The following BNC2 variants were observed in gnomAD, a reference collection of about 807,000 sequenced individuals.
BNC2 encodes the protein zinc finger protein basonuclin-2.
In BNC2, 20 loss-of-function variants were observed where a neutral mutation model predicts 76.3. The ratio of observed to expected loss-of-function variants is 0.26; its 90% CI spans 0.18 to 0.38. The LOEUF (loss-of-function observed/expected upper bound fraction) is 0.38. BNC2 is among the 10% of genes least tolerant of loss of function. The pLI is 1.00. For synonymous variants in BNC2, 582 were observed against 514.8 expected (o/e 1.13, Z -1.77); for missense variants, 1,382 against 1,399.8 (o/e 0.99, Z 0.20).
At chr9:16,720,876 A>G (rs1482865793) in intron 3 of BNC2, among the ~76,000 whole-genome samples, 1 of 152,192 alleles carries the variant, frequency 6.6e-6, no homozygotes, top group Non-Finnish European at 1.5e-5. Context: ...TGCTACATAC[A>G]GCATTTGAAC....
At chr9:16,855,900 T>C (rs574766613) in intron 1 of BNC2, among the ~76,000 whole-genome samples, 5 of 152,238 alleles carry the variant, frequency 3.3e-5, no homozygotes, top group African/African-American at 1.2e-4. Context: ...TGTTGTTTCA[T>C]GGAAATCTGC....
chr9:16,574,660 A>C (rs892637817), intron 4 of BNC2, among the ~76,000 whole-genome samples: 5 of 152,168 alleles, frequency 3.3e-5, no homozygotes, highest in Non-Finnish European at 7.3e-5. Flanking sequence ...ATCCCAACAC[A>C]TTCCACATTC....
intron 1 of BNC2, among the ~76,000 whole-genome samples, chr9:16,817,677 T>C (rs1818218001): frequency 6.6e-6 from 1 of 152,172 alleles, no homozygotes; most frequent in African/African-American, 2.4e-5. Flanking sequence ...TAACGTGCCT[T>C]AAACAAATCA....
At chr9:16,716,743 A>G (rs1422284335) in intron 3 of BNC2, among the ~76,000 whole-genome samples, 1 of 152,202 alleles carries the variant, frequency 6.6e-6, no homozygotes, top group Non-Finnish European at 1.5e-5. Context: ...ACTATACTAT[A>G]GTGTTTTTAC....
Position 16,772,060 on chromosome 9 carries a change from T to A in BNC2, c.4-33575A>T, listed in dbSNP as rs563709413. 9.8e-5 allele frequency among the ~76,000 whole-genome samples: 15 copies of A among 152,346 alleles called. No homozygotes were observed. In the South Asian group the frequency reaches 3.1e-3, roughly 32 times the overall value. On this transcript the variant is annotated intron_variant, in intron 1 of 6. Transcript: ENST00000380672. ...GCCTTAATCTTAAAACAAATGATAG[T>A]ATTCAAATACAATATTTTACACATG... is the stretch of plus-strand genomic sequence containing the variant.
chr9:16,538,965 G>A (rs1285149716), intron 5 of BNC2, among the ~76,000 whole-genome samples: 2 of 152,096 alleles, frequency 1.3e-5, no homozygotes, highest in Non-Finnish European at 2.9e-5. Context: ...AATTTAGCCT[G>A]AGTCACCAAC....
At chr9:16,621,078 C>A (rs116749239) in intron 3 of BNC2, among the ~76,000 whole-genome samples, 1 of 152,152 alleles carries the variant, frequency 6.6e-6, no homozygotes, top group African/African-American at 2.4e-5. Context: ...ATGTCCAGGC[C>A]GTAAGTAATG....
At chr9:16,656,215 C>A (rs1821925056) in intron 3 of BNC2, among the ~76,000 whole-genome samples, 1 of 152,122 alleles carries the variant, frequency 6.6e-6, no homozygotes, top group South Asian at 2.1e-4. Context: ...TCAGGGAACA[C>A]AGAAGAGAAT....
intron 3 of BNC2, among the ~76,000 whole-genome samples, chr9:16,658,607 C>T (rs1329279401): frequency 1.3e-5 from 2 of 152,166 alleles, no homozygotes; most frequent in African/African-American, 4.8e-5. Context: ...CTTAACAATT[C>T]TCTTATCCTT....
chr9:16,537,708 G>C (rs2132312371), intron 5 of BNC2, among the ~76,000 whole-genome samples: 1 of 152,206 alleles, frequency 6.6e-6, no homozygotes, highest in Admixed American at 6.5e-5. Flanking sequence ...CTCATAGCAA[G>C]GCATATTTGA....
rs1294106808 is a variant in BNC2 at position 16,416,066 on chromosome 9, T to C, written c.*2923A>G. ...TTTGCAGCAAGTAACAAACATTTGT[T>C]CTAAGCCTGGTGCATTTGCTGATGT... On this transcript the variant is annotated 3_prime_UTR_variant, in exon 7 of 7. Coordinates refer to ENST00000380672, the MANE Select transcript of BNC2 (RefSeq NM_017637.6). 3 of 152,194 alleles carry C rather than the reference T, an allele frequency of 2.0e-5. No individual in the cohort carries two copies. Among genetic ancestry groups the C allele is most frequent in the Non-Finnish European group, 4.4e-5 (3 of 68,034 alleles). 9.4% of individuals were successfully genotyped at this position (152,194 alleles called of 1,614,324 possible). A position where few individuals can be genotyped will look rare whatever the true frequency, so the allele number is the denominator to read the frequency against.
intron 1 of BNC2, among the ~76,000 whole-genome samples, chr9:16,759,884 C>T (rs1005176483): frequency 6.6e-6 from 1 of 152,034 alleles, no homozygotes; most frequent in Non-Finnish European, 1.5e-5. Context: ...CCACCACGCC[C>T]GGCTAATTTT....
intron 5 of BNC2, among the ~76,000 whole-genome samples, chr9:16,445,012 A>T (rs1273721732): frequency 2.0e-5 from 3 of 152,168 alleles, no homozygotes; most frequent in Non-Finnish European, 2.9e-5. Context: ...GCATGGATCA[A>T]TGTTGTGTGT....
intron 5 of BNC2, among the ~76,000 whole-genome samples, chr9:16,471,881 C>T (rs1204503867): frequency 2.0e-5 from 3 of 152,018 alleles, no homozygotes; most frequent in Non-Finnish European, 4.4e-5. Context: ...ATCATGGGGG[C>T]GGGTCTTTGC....
chr9:16,823,074 A>C, intron 1 of BNC2, among the ~76,000 whole-genome samples: 1 of 152,190 alleles, frequency 6.6e-6, no homozygotes, highest in East Asian at 1.9e-4. Flanking sequence ...CCAAGCTATC[A>C]AATCAGTCTT....
chr9:16,481,250 A>G (rs1822049358), intron 5 of BNC2, among the ~76,000 whole-genome samples: 1 of 152,120 alleles, frequency 6.6e-6, no homozygotes, highest in Non-Finnish European at 1.5e-5. Context: ...TCTACCAATC[A>G]GCAGGATGTG....
In BNC2 at chr9:16,801,386, G is replaced by A. The variant is rs115920962; in HGVS notation, c.4-62901C>T. On this transcript the variant is annotated intron_variant, in intron 1 of 6. Transcript: ENST00000380672. ...TCAGCCTGCCGAGTAGCTGGGACGT[G>A]CCCGGTTAATTTTTCTATTTTTTTT... Among the ~76,000 whole-genome samples, 719 of 149,582 alleles carry A rather than the reference G, an allele frequency of 4.8e-3. 12 individuals carry two copies. Among genetic ancestry groups the A allele is most frequent in the African/African-American group, 0.017 (686 of 40,542 alleles).
chr9:16,672,137 T>G (rs1344720360), intron 3 of BNC2, among the ~76,000 whole-genome samples: 3 of 152,172 alleles, frequency 2.0e-5, no homozygotes, highest in Non-Finnish European at 4.4e-5. Context: ...TCTGGGGCAC[T>G]CCTATGAAGA....
chr9:16,711,088 G>A (rs1018919865), intron 3 of BNC2, among the ~76,000 whole-genome samples: 2 of 150,982 alleles, frequency 1.3e-5, no homozygotes, highest in Middle Eastern at 3.3e-3. Flanking sequence ...ATTTGAGCAG[G>A]GCTTCCTCCT....
Sources: allele counts gnomAD v4.1 joint callset (sites outside exome capture counted in the v4.1 genomes callset), GRCh38; gene constraint gnomAD v4.1.1; transcripts MANE v1.5; gene names NCBI Gene and HGNC (gene_info 2026-07-23, HGNC 2026-07-21).